CTDSPL2: variants seen among roughly 807,000 people sequenced by gnomAD.
The protein encoded by CTDSPL2 is CTD small phosphatase like 2.
CTDSPL2 carries 5 observed loss-of-function variants against 60.0 expected under a neutral mutation model. The observed-to-expected ratio is 0.08, with a 90% CI of 0.04 to 0.18. CTDSPL2 has a LOEUF of 0.18. Among genes scored for constraint, CTDSPL2 ranks in the 10% least tolerant of loss-of-function variants. CTDSPL2 has a pLI of 1.00. For missense variants in CTDSPL2, 370 were observed against 548.8 expected (o/e 0.67, Z 3.26); for synonymous variants, 186 against 189.3 (o/e 0.98, Z 0.14).
intron 1 of CTDSPL2, chr15:44,448,794 CG>C (rs771608072): frequency 5.7e-6 from 2 of 350,554 alleles, no homozygotes; most frequent in Non-Finnish European, 1.1e-5. Context: ...AGGGAAGCTG[CG>C]GACGCTTAGG....
intron 2 of CTDSPL2, 109 bp from the exon 3 acceptor site, chr15:44,484,115 A>G (rs2081077565): frequency 2.0e-6 from 2 of 996,852 alleles, no homozygotes; most frequent in Non-Finnish European, 2.9e-6. Flanking sequence ...TTTCCTGGAT[A>G]TGAAAAGCAG....
chr15:44,487,085 T>A (rs1253391644), intron 4 of CTDSPL2, among the ~76,000 whole-genome samples: 1 of 152,162 alleles, frequency 6.6e-6, no homozygotes, highest in Non-Finnish European at 1.5e-5. Context: ...ACATAGTTTT[T>A]AAAAAGATCT....
intron 2 of CTDSPL2, among the ~76,000 whole-genome samples, chr15:44,464,140 G>C (rs1393071511): frequency 6.6e-6 from 1 of 152,134 alleles, no homozygotes; most frequent in Non-Finnish European, 1.5e-5. Flanking sequence ...TTCCCGAGTA[G>C]CTGGGACTAC....
chr15:44,459,218 T>C lies in CTDSPL2; in HGVS notation c.186+18T>C. ...CACCTAAGGTAATGATTTTACCATA[T>C]ACTTTCATATCATTAAAAGTGAAAA... On this transcript the variant is annotated intron_variant, in intron 2 of 12. Transcript: ENST00000260327. 2 of 1,559,004 alleles carry C rather than the reference T, an allele frequency of 1.3e-6. No homozygotes were observed. Among genetic ancestry groups the C allele is most frequent in the Non-Finnish European group, 1.7e-6 (2 of 1,149,528 alleles).
intron 1 of CTDSPL2, among the ~76,000 whole-genome samples, chr15:44,433,349 A>AAAG (rs2079901603): frequency 6.6e-6 from 1 of 150,476 alleles, no homozygotes; most frequent in African/African-American, 2.4e-5. Flanking sequence ...AAAAAAAAAA[A>AAAG]GGACAAAAAA....
chr15:44,434,983 C>T (rs1282692011), intron 1 of CTDSPL2, among the ~76,000 whole-genome samples: 1 of 152,082 alleles, frequency 6.6e-6, no homozygotes, highest in Non-Finnish European at 1.5e-5. Flanking sequence ...AACCTTCGAC[C>T]AGACACAGTG....
chr15:44,487,071 A>G (rs572720869), intron 4 of CTDSPL2, among the ~76,000 whole-genome samples: 8 of 152,176 alleles, frequency 5.3e-5, no homozygotes, highest in Non-Finnish European at 1.0e-4. Context: ...CCCAGCAAAA[A>G]AATACATAGT....
In CTDSPL2 at chr15:44,443,931, C is replaced by T. The variant is rs78480567; in HGVS notation, c.-24-15060C>T. 7.2e-5 allele frequency among the ~76,000 whole-genome samples: 11 copies of T among 152,224 alleles called. No homozygotes were observed. The East Asian group carries it at 2.1e-3, about 29-fold the overall frequency. On this transcript the variant is annotated intron_variant, in intron 1 of 12. Transcript: ENST00000260327. The stretch of plus-strand genomic sequence containing the variant: ...AACAAAATTTTTTAAGAGGTAGGAT[C>T]TTACTGTGTCACCCAGGCTGGAGTG...
At chr15:44,521,743 C>A (rs1451791367) in intron 12 of CTDSPL2, among the ~76,000 whole-genome samples, 4 of 151,370 alleles carry the variant, frequency 2.6e-5, no homozygotes, top group Non-Finnish European at 4.4e-5. Context: ...TCGAGACCAT[C>A]CTGGCTAACA....
intron 1 of CTDSPL2, among the ~76,000 whole-genome samples, chr15:44,434,484 C>A (rs1224997092): frequency 6.6e-6 from 1 of 152,332 alleles, no homozygotes; most frequent in Non-Finnish European, 1.5e-5. Flanking sequence ...GCCTTCACCT[C>A]CTGGGCTCAA....
In CTDSPL2 at chr15:44,526,332, A is replaced by T. The variant is rs1282784300; in HGVS notation, c.*2158A>T. 1.3e-5 allele frequency: 2 copies of T among 152,114 alleles called. No individual in the cohort carries two copies. Among genetic ancestry groups the T allele is most frequent in the East Asian group, 1.9e-4 (1 of 5,198 alleles). The allele number at this position is 152,114 out of a possible 1,614,324, so 9.4% of individuals were successfully genotyped here. On this transcript the variant is annotated 3_prime_UTR_variant, in exon 13 of 13. Coordinates refer to ENST00000260327, the MANE Select transcript of CTDSPL2 (RefSeq NM_016396.3). ...AGATTTCCTGATTTAGTGCATTCTC[A>T]AAAGGGCTTTCCCATAATCTAAAGG...
At chr15:44,516,144 T>C (rs780138232) in intron 10 of CTDSPL2, among the ~76,000 whole-genome samples, 4 of 151,924 alleles carry the variant, frequency 2.6e-5, no homozygotes, top group Non-Finnish European at 5.9e-5. Flanking sequence ...TTTTTAGTGT[T>C]TTTAGTAGAG....
intron 5 of CTDSPL2, among the ~76,000 whole-genome samples, chr15:44,494,063 AAGAC>A (rs2081259011): frequency 6.6e-6 from 1 of 152,208 alleles, no homozygotes; most frequent in South Asian, 2.1e-4. Flanking sequence ...TTTCTATAGA[AAGAC>A]TATAGAAATT....
rs1294030657 is a variant in CTDSPL2 at position 44,528,949 on chromosome 15, A to G, written c.*4775A>G. 6.6e-6 allele frequency: 1 copy of G among 152,146 alleles called. No individual in the cohort carries two copies. Among genetic ancestry groups the G allele is most frequent in the Non-Finnish European group, 1.5e-5 (1 of 67,998 alleles). 9.4% of individuals were successfully genotyped at this position (152,146 alleles called of 1,614,324 possible). On this transcript the variant is annotated 3_prime_UTR_variant, in exon 13 of 13. Coordinates refer to ENST00000260327, the MANE Select transcript of CTDSPL2 (RefSeq NM_016396.3). Reference sequence around the variant, plus strand: ...CTATGCAGTATAGCCGTGAACAAGTAATGTAGATTTAGTTTTCTCATCTTC... The same window carrying G: ...CTATGCAGTATAGCCGTGAACAAGTGATGTAGATTTAGTTTTCTCATCTTC...
intron 8 of CTDSPL2, among the ~76,000 whole-genome samples, chr15:44,501,306 T>C (rs753950766): frequency 2.6e-5 from 4 of 152,098 alleles, no homozygotes; most frequent in Non-Finnish European, 5.9e-5. Context: ...AGCTTCTAGG[T>C]TTGAAATTGA....
chr15:44,522,435 A>T (rs1306206164), intron 12 of CTDSPL2, among the ~76,000 whole-genome samples: 1 of 152,178 alleles, frequency 6.6e-6, no homozygotes, highest in East Asian at 1.9e-4. Context: ...TCTCTTACAA[A>T]TTGCTAAGCA....
intron 8 of CTDSPL2, among the ~76,000 whole-genome samples, chr15:44,510,475 A>G (rs2081547949): frequency 2.0e-5 from 3 of 152,196 alleles, no homozygotes; most frequent in Non-Finnish European, 4.4e-5. Context: ...TTTCCACAAT[A>G]TATTTGGTTT....
At chr15:44,492,381 T>C (rs1004500703) in intron 5 of CTDSPL2, among the ~76,000 whole-genome samples, 1 of 152,116 alleles carries the variant, frequency 6.6e-6, no homozygotes, top group Non-Finnish European at 1.5e-5. Flanking sequence ...TTTAAGGAAA[T>C]ATAATATACA....
intron 2 of CTDSPL2, among the ~76,000 whole-genome samples, chr15:44,476,277 A>T (rs1278332019): frequency 6.6e-6 from 1 of 152,048 alleles, no homozygotes; most frequent in Non-Finnish European, 1.5e-5. Flanking sequence ...ACTGTTAGCC[A>T]GGATGGTCTC....
Sources: gnomAD v4.1 joint callset for allele counts (sites outside exome capture counted in the v4.1 genomes callset) on GRCh38, gnomAD v4.1.1 for gene constraint, MANE v1.5 for transcripts, NCBI Gene and HGNC (gene_info 2026-07-23, HGNC 2026-07-21) for gene names.